Variants in HSPG2 observed in about 807,000 individuals in gnomAD.
HSPG2 encodes heparan sulfate proteoglycan 2, also known as basement membrane-specific heparan sulfate proteoglycan core protein.
In HSPG2, 278 loss-of-function variants were observed where a neutral mutation model predicts 526.6. That is an observed-to-expected ratio of 0.53 (90% CI 0.48 to 0.58). The LOEUF is 0.58. Ranked by LOEUF, HSPG2 falls within the 20% of genes least tolerant of loss-of-function variation. HSPG2 has a pLI of 0.00. For missense variants in HSPG2, 5,354 were observed against 6,099.5 expected, an observed-to-expected ratio of 0.88 and a Z score of 4.07; for synonymous variants, 2,465 against 2,555.4, an observed-to-expected ratio of 0.96 and a Z score of 1.07.
Position 21,857,318 on chromosome 1 carries a change from A to G in HSPG2, c.5361T>C (p.Ala1787=), listed in dbSNP as rs1034240160. 2 of 1,613,954 alleles carry G rather than the reference A, an allele frequency of 1.2e-6. No individual in the cohort carries two copies. The highest frequency in any genetic ancestry group is 1.3e-5 in the African/African-American group (1 of 74,866). ...EQRSQSVRPG[A]DVTFICTAKS... ...TGGCTGTGCAGATGAAGGTGACGTC[A>G]GCTCCGGGGCGCACGCTCTGGCTCC... The change falls in exon 43 of 97, where the codon GCT becomes GCC. Residue 1787 remains alanine (A), a synonymous_variant. Transcript: ENST00000374695.
At position 21,865,455 on chromosome 1, in the gene HSPG2, C is replaced by A; in HGVS notation, c.4315-90G>T. 1 of 1,242,570 alleles carries A rather than the reference C, an allele frequency of 8.0e-7. No homozygotes were observed. Among genetic ancestry groups the A allele is most frequent in the South Asian group, 1.2e-5 (1 of 83,024 alleles). The allele number at this position is 1,242,570 out of a possible 1,614,324, so 77.0% of individuals were successfully genotyped here. On this transcript the variant is annotated intron_variant, in intron 34 of 96. Transcript: ENST00000374695. This position sits in a 1 kb window ranked among gnomAD's most constrained non-coding sequence, Gnocchi z 5.4. ...CACCAGTCCTAGATTCTCTGTAACCCCCAGCCTCCCACCTCTCTGCTCTCC... is the reference window on the plus strand; with the variant it reads ...CACCAGTCCTAGATTCTCTGTAACCACCAGCCTCCCACCTCTCTGCTCTCC...
intron 1 of HSPG2, among the ~76,000 whole-genome samples, chr1:21,919,084 T>A (rs1370082969): frequency 1.3e-5 from 2 of 152,196 alleles, no homozygotes; most frequent in Non-Finnish European, 2.9e-5. Flanking sequence ...ATGACCTTTG[T>A]CCAGCTGTGC....
chr1:21,863,371 GAAAAAA>G (rs538927618), intron 37 of HSPG2, among the ~76,000 whole-genome samples: 1 of 146,290 alleles, frequency 6.8e-6, no homozygotes, highest in Non-Finnish European at 1.5e-5. Context: ...AGACTGTCTT[GAAAAAA>G]AAAAGAAAAA....
chr1:21,853,959 T>C (rs2152722939), intron 50 of HSPG2: 1 of 531,810 alleles, frequency 1.9e-6, no homozygotes, highest in Non-Finnish European at 3.4e-6. Context: ...AACCTGGACA[T>C]TCTGCTGCTT....
At chr1:21,881,811 T>C (rs1641529473) in intron 13 of HSPG2, among the ~76,000 whole-genome samples, 1 of 151,412 alleles carries the variant, frequency 6.6e-6, no homozygotes, top group South Asian at 2.1e-4. Flanking sequence ...GGCATGGTGG[T>C]GCACGCCTGT....
In HSPG2 at chr1:21,839,555, G is replaced by A; in HGVS notation, c.9710-5C>T. The A allele has an allele frequency of 6.2e-7, 1 of 1,613,648 alleles. No homozygotes were observed. The highest frequency in any genetic ancestry group is 8.5e-7 in the Non-Finnish European group (1 of 1,179,888). Reference sequence around the variant, plus strand: ...GGATGGTGGGCGCGGGGCTGCCTGTGGAGTCGAGTGGAAGATGACAGAAGT... The same window carrying A: ...GGATGGTGGGCGCGGGGCTGCCTGTAGAGTCGAGTGGAAGATGACAGAAGT... On this transcript the variant is annotated splice_polypyrimidine_tract_variant and splice_region_variant and intron_variant, in intron 72 of 96. Transcript: ENST00000374695. This position sits in a 1 kb window ranked among gnomAD's most constrained non-coding sequence, Gnocchi z 4.5.
intron 91 of HSPG2, among the ~76,000 whole-genome samples, chr1:21,826,452 C>A (rs775422649): frequency 6.6e-6 from 1 of 152,126 alleles, no homozygotes; most frequent in Non-Finnish European, 1.5e-5. Context: ...AATCTGCCCG[C>A]CACAGCCTCC....
chr1:21,870,892 G>A (rs566677126), intron 33 of HSPG2: 1 of 986,336 alleles, frequency 1.0e-6, no homozygotes, highest in East Asian at 1.1e-4. Flanking sequence ...GCAGGGAAAT[G>A]CCAGGACAGG....
In HSPG2 at chr1:21,898,563, G is replaced by C. The variant is rs908702969; in HGVS notation, c.64-2253C>G. Among the ~76,000 whole-genome samples the C allele has an allele frequency of 1.3e-5, 2 of 152,192 alleles. No individual in the cohort carries two copies. The highest frequency in any genetic ancestry group is 4.8e-5 in the African/African-American group (2 of 41,460). On this transcript the variant is annotated intron_variant, in intron 1 of 96. Coordinates refer to ENST00000374695, the MANE Select transcript of HSPG2 (RefSeq NM_005529.7). This position sits in a 1 kb window ranked among gnomAD's most constrained non-coding sequence, Gnocchi z 4.0. Reference sequence around the variant, plus strand: ...GGTGGTCTTAGTTGTGCATGTCCAGGGGATTCCCACAGTCCCTGGTTAGAA... The same window carrying C: ...GGTGGTCTTAGTTGTGCATGTCCAGCGGATTCCCACAGTCCCTGGTTAGAA...
At chr1:21,933,393 AT>A (rs1644396734) in intron 1 of HSPG2, among the ~76,000 whole-genome samples, 1 of 152,062 alleles carries the variant, frequency 6.6e-6, no homozygotes, top group Admixed American at 6.5e-5. Context: ...ACACAGGTGA[AT>A]GGGAGGATTC....
At chr1:21,885,611 G>A (rs568814042) in intron 9 of HSPG2, among the ~76,000 whole-genome samples, 160 bp from the exon 10 acceptor site, 5 of 152,080 alleles carry the variant, frequency 3.3e-5, no homozygotes, top group South Asian at 4.2e-4. Flanking sequence ...AGCATGATGC[G>A]GCCACCAGCT....
chr1:21,914,876 C>T (rs1014373938), intron 1 of HSPG2, among the ~76,000 whole-genome samples: 1 of 152,198 alleles, frequency 6.6e-6, no homozygotes, highest in Admixed American at 6.5e-5. Flanking sequence ...AGAGCAACCA[C>T]CTGCCTGACC....
intron 3 of HSPG2, among the ~76,000 whole-genome samples, chr1:21,891,450 C>G (rs541802869): frequency 1.2e-4 from 18 of 152,298 alleles, no homozygotes; most frequent in African/African-American, 3.4e-4. Context: ...CTGCTGTGGT[C>G]CTCTCTCCAC....
At chr1:21,919,686 A>G (rs991405824) in intron 1 of HSPG2, among the ~76,000 whole-genome samples, 10 of 152,106 alleles carry the variant, frequency 6.6e-5, no homozygotes, top group Non-Finnish European at 1.2e-4. Context: ...TCACTTGGAG[A>G]TCTTGTCGGC....
chr1:21,905,277 ACACG>A (rs1271418257), intron 1 of HSPG2, among the ~76,000 whole-genome samples: 15 of 143,946 alleles, frequency 1.0e-4, no homozygotes, highest in African/African-American at 3.8e-4. Flanking sequence ...ACACACACAC[ACACG>A]CCACGCTCCA....
Position 21,847,707 on chromosome 1 carries a change from G to C in HSPG2, c.8007C>G (p.Ser2669Arg). 3.7e-6 allele frequency: 6 copies of C among 1,609,794 alleles called. No homozygotes were observed. Among genetic ancestry groups the C allele is most frequent in the Non-Finnish European group, 5.1e-6 (6 of 1,178,296 alleles). ...AIITWYKRGGSLPSRHQTHGS... is the reference protein window; with the variant it reads ...AIITWYKRGGRLPSRHQTHGS... ...TCTGTACCTGGTGTCGGGAGGGAAGGCTGCCCCCACGCTTGTACCATGTGA... is the reference window on the plus strand; with the variant it reads ...TCTGTACCTGGTGTCGGGAGGGAAGCCTGCCCCCACGCTTGTACCATGTGA... The change falls in exon 61 of 97, where the codon AGC becomes AGG. Residue 2669 changes from serine to arginine, a missense_variant. Transcript: ENST00000374695. This position sits in a 1 kb window ranked among gnomAD's most constrained non-coding sequence, Gnocchi z 4.1.
At chr1:21,835,310 G>C (rs1557684564) in intron 76 of HSPG2, 1 of 604,744 alleles carries the variant, frequency 1.7e-6, no homozygotes, top group South Asian at 1.9e-5. Flanking sequence ...AATCTTCATC[G>C]GTTCATCTGA....
At position 21,830,970 on chromosome 1, in the gene HSPG2, C is replaced by T. The variant is rs374758516; in HGVS notation, c.11671+12G>A. 21 of 1,554,860 alleles carry T rather than the reference C, an allele frequency of 1.4e-5. No homozygotes were observed. Among genetic ancestry groups the T allele is most frequent in the Middle Eastern group, 1.7e-4 (1 of 5,808 alleles). On this transcript the variant is annotated intron_variant, in intron 85 of 96. Transcript: ENST00000374695. ...CCCTGGGGCGACAGCGACTGGCGGT[C>T]GGGGTGCGTACCTGGATGGCAGTGC...
chr1:21,841,519 C>A lies in HSPG2; in HGVS notation c.9328+20G>T. On this transcript the variant is annotated intron_variant, in intron 70 of 96. Coordinates refer to ENST00000374695, the MANE Select transcript of HSPG2 (RefSeq NM_005529.7). Reference sequence around the variant, plus strand: ...GGGCTGGAAACAGGGCAGAGCCCCACAGGGTCAACGTCCCCTCACCGTGCA... The same window carrying A: ...GGGCTGGAAACAGGGCAGAGCCCCAAAGGGTCAACGTCCCCTCACCGTGCA... 1 of 1,614,200 alleles carries A rather than the reference C, an allele frequency of 6.2e-7. No homozygotes were observed. Among genetic ancestry groups the A allele is most frequent in the Non-Finnish European group, 8.5e-7 (1 of 1,180,012 alleles).
Sources: gnomAD v4.1 joint callset for allele counts (sites outside exome capture counted in the v4.1 genomes callset) on GRCh38, gnomAD v4.1.1 for gene constraint, Gnocchi (gnomAD v3.1) non-coding constraint, MANE v1.5 for transcripts, NCBI Gene and HGNC (gene_info 2026-07-23, HGNC 2026-07-21) for gene names.